The following ARID5B variants were observed in gnomAD, a reference collection of about 807,000 sequenced individuals.
ARID5B encodes the protein AT-rich interaction domain 5B, also known as AT-rich interactive domain-containing protein 5B.
ARID5B carries 13 observed loss-of-function variants against 97.2 expected under a neutral mutation model. The observed-to-expected ratio is 0.13, with a 90% confidence interval of 0.09 to 0.21. The LOEUF (loss-of-function observed/expected upper bound fraction) is 0.21. ARID5B is among the 10% of genes least tolerant of loss of function. The pLI is 1.00. For missense variants in ARID5B, 1,210 were observed against 1,465.3 expected, an observed-to-expected ratio of 0.83 and a Z score of 2.84; for synonymous variants, 556 against 570.3, an observed-to-expected ratio of 0.97 and a Z score of 0.36.
At chr10:62,036,362 C>G (rs1179072191) in intron 4 of ARID5B, among the ~76,000 whole-genome samples, 1 of 149,942 alleles carries the variant, frequency 6.7e-6, no homozygotes, top group Non-Finnish European at 1.5e-5. Context: ...CCCTTCCTCA[C>G]CCCCAGGAGG....
intron 3 of ARID5B, among the ~76,000 whole-genome samples, chr10:61,965,422 C>A (rs1838530784): frequency 6.6e-6 from 1 of 151,990 alleles, no homozygotes; most frequent in African/African-American, 2.4e-5. Flanking sequence ...ATTCATGAAC[C>A]CACAGAGTAA....
chr10:62,044,595 G>A (rs1250143839), intron 4 of ARID5B, among the ~76,000 whole-genome samples: 4 of 151,970 alleles, frequency 2.6e-5, no homozygotes, highest in African/African-American at 9.7e-5. Flanking sequence ...CTGGTCTCAA[G>A]TTCCCGGTCA....
chr10:61,945,457 A>AACAC (rs1378380430), intron 3 of ARID5B, among the ~76,000 whole-genome samples: 3 of 152,224 alleles, frequency 2.0e-5, no homozygotes, highest in Admixed American at 6.5e-5. Flanking sequence ...ACATGAAAAG[A>AACAC]ACACAACTGT....
intron 2 of ARID5B, among the ~76,000 whole-genome samples, chr10:61,933,355 C>T (rs1844245951): frequency 6.6e-6 from 1 of 152,190 alleles, no homozygotes; most frequent in Non-Finnish European, 1.5e-5. Context: ...GCCTTCCAAA[C>T]TTCTGTTAAT....
intron 2 of ARID5B, among the ~76,000 whole-genome samples, chr10:61,909,766 C>G (rs901960095): frequency 6.6e-6 from 1 of 152,166 alleles, no homozygotes; most frequent in African/African-American, 2.4e-5. Context: ...GATCCACGAC[C>G]CCATCTCACA....
chr10:61,919,047 C>A lies in ARID5B; in HGVS notation c.276+16634C>A, dbSNP rs979500094. ...AGAGCCTGACTCCGTCCCCCCCCCC[C>A]CCCCCAAAAAAATAAAAGGTGCGTT... On this transcript the variant is annotated intron_variant, in intron 2 of 9. Transcript: ENST00000279873. Among the ~76,000 whole-genome samples the A allele has an allele frequency of 1.6e-4, 20 of 123,122 alleles. 1 individual carries two copies. The highest frequency in any genetic ancestry group is 3.8e-4 in the African/African-American group (13 of 34,008). The allele number at this position is 123,122 out of a possible 152,430, so 80.8% of individuals were successfully genotyped here.
chr10:61,955,665 T>G (rs1288463508), intron 3 of ARID5B, among the ~76,000 whole-genome samples: 4 of 152,178 alleles, frequency 2.6e-5, no homozygotes, highest in Non-Finnish European at 4.4e-5. Context: ...TGTTGTTGTT[T>G]TTTGAGACAA....
At chr10:61,998,614 G>A (rs1344822784) in intron 3 of ARID5B, among the ~76,000 whole-genome samples, 1 of 152,224 alleles carries the variant, frequency 6.6e-6, no homozygotes, top group Non-Finnish European at 1.5e-5. Context: ...TAAGCATTAA[G>A]ATCATTATAA....
At chr10:62,058,800 G>A (rs1326926115) in intron 6 of ARID5B, among the ~76,000 whole-genome samples, 2 of 152,128 alleles carry the variant, frequency 1.3e-5, no homozygotes, top group African/African-American at 2.4e-5. Flanking sequence ...GAAGGTAATC[G>A]TATATTAAAG....
At chr10:61,993,528 T>C (rs554153014) in intron 3 of ARID5B, among the ~76,000 whole-genome samples, 3 of 152,358 alleles carry the variant, frequency 2.0e-5, no homozygotes, top group South Asian at 4.1e-4. Context: ...ATATTCTCTT[T>C]TTTTTTCTTC....
At chr10:61,924,296 T>G (rs1280294287) in intron 2 of ARID5B, among the ~76,000 whole-genome samples, 1 of 152,008 alleles carries the variant, frequency 6.6e-6, no homozygotes, top group Non-Finnish European at 1.5e-5. Context: ...TGAACAGGAG[T>G]AGAAAAAGCA....
At chr10:61,903,738 G>A (rs1373744726) in intron 2 of ARID5B, among the ~76,000 whole-genome samples, 1 of 152,152 alleles carries the variant, frequency 6.6e-6, no homozygotes, top group Non-Finnish European at 1.5e-5. Flanking sequence ...TGATCGAGTT[G>A]ATAGTACTTT....
chr10:61,901,902 TCATA>T (rs1843621085), intron 1 of ARID5B, among the ~76,000 whole-genome samples, 172 bp downstream of exon 1: 1 of 151,220 alleles, frequency 6.6e-6, no homozygotes, highest in African/African-American at 2.4e-5. Context: ...CCTGCACTGA[TCATA>T]CATACATAAT....
Position 62,094,672 on chromosome 10 carries a change from C to T in ARID5B, c.*1642C>T, listed in dbSNP as rs1840439059. The T allele has an allele frequency of 8.7e-6, 2 of 231,068 alleles. No homozygotes were observed. The highest frequency in any genetic ancestry group is 6.1e-5 in the East Asian group (1 of 16,344). 14.3% of individuals were successfully genotyped at this position (231,068 alleles called of 1,614,324 possible). A position where few individuals can be genotyped will look rare whatever the true frequency, so the allele number is the denominator to read the frequency against. The stretch of plus-strand genomic sequence containing the variant: ...TATAACATTAAGGTGGACACATTTT[C>T]TAACTGTATTAATTAAAAGTCAATG... On this transcript the variant is annotated 3_prime_UTR_variant, in exon 10 of 10. Transcript: ENST00000279873.
rs144029168 is a variant in ARID5B, at chr10:62,080,222, G to C, written c.1200-5480G>C. On this transcript the variant is annotated intron_variant, in intron 8 of 9. Transcript: ENST00000279873. ...GGAGGCCTCTTTCTCACCTGTCTTG[G>C]TTATGGGGAGAGCTTGTCACACTCG... 5.3e-4 allele frequency among the ~76,000 whole-genome samples: 80 copies of C among 152,222 alleles called. No homozygotes were observed. In the East Asian group the frequency reaches 0.014, roughly 28 times the overall value.
At chr10:62,025,424 T>A (rs1446008138) in intron 4 of ARID5B, 1 of 152,184 alleles carries the variant, frequency 6.6e-6, no homozygotes, top group Non-Finnish European at 1.5e-5. Flanking sequence ...CGGGGAGATG[T>A]GGGGTCATTT....
intron 3 of ARID5B, among the ~76,000 whole-genome samples, chr10:61,979,094 T>C (rs1000578910): frequency 1.3e-5 from 2 of 152,156 alleles, no homozygotes; most frequent in African/African-American, 4.8e-5. Context: ...ACAGAGCTCA[T>C]CGGGAGAATT....
intron 4 of ARID5B, among the ~76,000 whole-genome samples, chr10:62,019,722 TC>T (rs1428399169): frequency 1.3e-4 from 20 of 152,226 alleles, no homozygotes; most frequent in African/African-American, 4.8e-4. Flanking sequence ...CAACCTGAGT[TC>T]ATTCGAAGGT....
At chr10:62,035,681 G>A (rs572424142) in intron 4 of ARID5B, among the ~76,000 whole-genome samples, 61 of 151,676 alleles carry the variant, frequency 4.0e-4, no homozygotes, top group African/African-American at 1.2e-3. Context: ...TAGTAGGGAC[G>A]GGGTTTCACC....
Sources: allele counts gnomAD v4.1 joint callset (sites outside exome capture counted in the v4.1 genomes callset), GRCh38; gene constraint gnomAD v4.1.1; transcripts MANE v1.5; gene names NCBI Gene and HGNC (gene_info 2026-07-23, HGNC 2026-07-21).